Variants in PDZD2 observed in about 807,000 individuals in gnomAD.
PDZD2 encodes the protein PDZ domain containing 2, also known as PDZ domain-containing protein 2.
A neutral mutation model predicts 220.7 loss-of-function variants in PDZD2; 90 were observed. That is an observed-to-expected ratio of 0.41 (90% CI 0.34 to 0.49). The LOEUF (loss-of-function observed/expected upper bound fraction) is 0.49, where lower values mean the gene tolerates loss of function less well. PDZD2 is among the 20% of genes least tolerant of loss of function. The probability of loss-of-function intolerance (pLI) is 0.28; values close to 1 mark genes in which losing one functional copy is unlikely to be tolerated. For synonymous variants in PDZD2, 1,375 were observed against 1,450.5 expected, an observed-to-expected ratio of 0.95 and a Z score of 1.18; for missense variants, 3,174 against 3,608.5, an observed-to-expected ratio of 0.88 and a Z score of 3.08.
chr5:31,698,728 C>T (rs1747485768), intron 1 of PDZD2, among the ~76,000 whole-genome samples: 1 of 152,110 alleles, frequency 6.6e-6, no homozygotes, highest in South Asian at 2.1e-4. Flanking sequence ...TTATTATTTT[C>T]CTTATATTAT....
At chr5:31,973,390 G>C (rs1405889380) in intron 2 of PDZD2, among the ~76,000 whole-genome samples, 2 of 152,076 alleles carry the variant, frequency 1.3e-5, no homozygotes, top group Non-Finnish European at 2.9e-5. Flanking sequence ...TTTTTTCATT[G>C]ATCATATCAT....
At chr5:31,810,512 A>G (rs775002476) in intron 2 of PDZD2, among the ~76,000 whole-genome samples, 2 of 152,074 alleles carry the variant, frequency 1.3e-5, no homozygotes, top group South Asian at 2.1e-4. Context: ...TGATCCGCCC[A>G]CCTTGGCCTC....
Position 31,884,860 on chromosome 5 carries a change from T to C in PDZD2, c.476+85136T>C, listed in dbSNP as rs1740299180. Among the ~76,000 whole-genome samples, 5 of 152,076 alleles carry C rather than the reference T, an allele frequency of 3.3e-5. No homozygotes were observed. The South Asian group carries it at 1.0e-3, about 32-fold the overall frequency. ...GTTTTGCCATGTTGGCCAGGCTGGTTTCAAACTCTTGGCCTCAAATGATCC... is the reference window on the plus strand; with the variant it reads ...GTTTTGCCATGTTGGCCAGGCTGGTCTCAAACTCTTGGCCTCAAATGATCC... On this transcript the variant is annotated intron_variant, in intron 2 of 24. Coordinates refer to ENST00000438447, the MANE Select transcript of PDZD2 (RefSeq NM_178140.4).
At chr5:31,931,978 G>T (rs1482149658) in intron 2 of PDZD2, among the ~76,000 whole-genome samples, 1 of 152,104 alleles carries the variant, frequency 6.6e-6, no homozygotes, top group Non-Finnish European at 1.5e-5. Flanking sequence ...CCCCAAATTT[G>T]CAGGCCAAGG....
At chr5:31,908,771 G>A (rs1581051892) in intron 2 of PDZD2, 6 of 905,940 alleles carry the variant, frequency 6.6e-6, no homozygotes, top group South Asian at 5.2e-5. Flanking sequence ...CTGGCCGGGC[G>A]TGGTGGCTCA....
chr5:32,082,799 G>A (rs1011750945), intron 19 of PDZD2, among the ~76,000 whole-genome samples: 7 of 152,144 alleles, frequency 4.6e-5, no homozygotes, highest in Admixed American at 1.3e-4. Context: ...GCAAATGGCC[G>A]ACCAAGATGT....
At chr5:31,875,349 C>T (rs994121949) in intron 2 of PDZD2, among the ~76,000 whole-genome samples, 2 of 151,860 alleles carry the variant, frequency 1.3e-5, no homozygotes, top group Admixed American at 6.6e-5. Flanking sequence ...TTTGGGAGGC[C>T]GAGGCAGACC....
intron 1 of PDZD2, among the ~76,000 whole-genome samples, chr5:31,746,719 C>G (rs1750624597): frequency 1.3e-5 from 2 of 152,056 alleles, no homozygotes; most frequent in Non-Finnish European, 2.9e-5. Context: ...TTGGGCAAGG[C>G]TTTTCCACTG....
At chr5:32,075,727 T>G (rs1216560572) in intron 18 of PDZD2, among the ~76,000 whole-genome samples, 1 of 152,170 alleles carries the variant, frequency 6.6e-6, no homozygotes, top group South Asian at 2.1e-4. Flanking sequence ...TCTCTCTCTC[T>G]CGCTGAACAA....
intron 2 of PDZD2, among the ~76,000 whole-genome samples, chr5:31,936,975 G>A (rs192524212): frequency 2.0e-5 from 3 of 152,300 alleles, no homozygotes; most frequent in Middle Eastern, 3.4e-3. Flanking sequence ...GGGGAGTGCA[G>A]AGGGTTGGAA....
chr5:31,949,746 C>T (rs1331727062), intron 2 of PDZD2, among the ~76,000 whole-genome samples: 1 of 150,262 alleles, frequency 6.7e-6, no homozygotes, highest in Non-Finnish European at 1.5e-5. Context: ...GATCTCAGCT[C>T]ACTGCAACCT....
At chr5:31,906,599 T>G (rs1374383394) in intron 2 of PDZD2, among the ~76,000 whole-genome samples, 1 of 152,032 alleles carries the variant, frequency 6.6e-6, no homozygotes, top group African/African-American at 2.4e-5. Flanking sequence ...TCCTCACACT[T>G]TGGGAAGCTG....
chr5:32,020,911 G>T (rs1754146240), intron 6 of PDZD2, among the ~76,000 whole-genome samples: 2 of 152,038 alleles, frequency 1.3e-5, no homozygotes. Flanking sequence ...CTCCCAAAGT[G>T]CTGGGATTAC....
intron 1 of PDZD2, among the ~76,000 whole-genome samples, chr5:31,664,465 C>A (rs1042845964): frequency 6.6e-6 from 1 of 151,834 alleles, no homozygotes; most frequent in Non-Finnish European, 1.5e-5. Flanking sequence ...CACACACACA[C>A]ACACACACAC....
chr5:31,989,571 C>T (rs772512131), intron 3 of PDZD2, among the ~76,000 whole-genome samples: 4 of 151,920 alleles, frequency 2.6e-5, no homozygotes, highest in Admixed American at 6.6e-5. Context: ...TATAGGCACA[C>T]GCCACCATGT....
intron 6 of PDZD2, among the ~76,000 whole-genome samples, chr5:32,029,292 C>T (rs547429655): frequency 2.3e-4 from 28 of 121,232 alleles, no homozygotes; most frequent in African/African-American, 8.4e-4. Flanking sequence ...GTTCTTGGGA[C>T]CTTATTTAAA....
intron 2 of PDZD2, among the ~76,000 whole-genome samples, chr5:31,880,444 T>G (rs1459279338): frequency 6.6e-6 from 1 of 152,250 alleles, no homozygotes; most frequent in East Asian, 1.9e-4. Context: ...AATAGTCCTC[T>G]GTATGAATGG....
chr5:31,873,117 C>CAT (rs1257892150), intron 2 of PDZD2, among the ~76,000 whole-genome samples: 2 of 151,828 alleles, frequency 1.3e-5, no homozygotes, highest in Non-Finnish European at 1.5e-5. Flanking sequence ...TATGTGTGTA[C>CAT]ATATATATAT....
intron 21 of PDZD2, among the ~76,000 whole-genome samples, chr5:32,096,338 A>G (rs1287794466): frequency 6.6e-6 from 1 of 151,988 alleles, no homozygotes; most frequent in Non-Finnish European, 1.5e-5. Context: ...GTTTTTTGAG[A>G]CAGAGCCTCA....
Sources: allele counts gnomAD v4.1 joint callset (sites outside exome capture counted in the v4.1 genomes callset), GRCh38; gene constraint gnomAD v4.1.1; transcripts MANE v1.5; gene names NCBI Gene and HGNC (gene_info 2026-07-23, HGNC 2026-07-21).